The following USP48 variants were observed in gnomAD, a reference collection of about 807,000 sequenced individuals.
The protein encoded by USP48 is ubiquitin specific peptidase 48.
In USP48, 43 loss-of-function variants were observed where a neutral mutation model predicts 150.7. The ratio of observed to expected loss-of-function variants is 0.29; its 90% CI spans 0.22 to 0.37. The LOEUF is 0.37. Among genes scored for constraint, USP48 ranks in the 10% least tolerant of loss-of-function variants. The pLI is 1.00. For missense variants in USP48, 813 were observed against 1,249.6 expected (o/e 0.65, Z 5.27); for synonymous variants, 396 against 425.9 (o/e 0.93, Z 0.86).
chr1:21,756,845 C>T, intron 2 of USP48, 143 bp from the exon 3 acceptor site: 1 of 1,425,236 alleles, frequency 7.0e-7, no homozygotes, highest in Non-Finnish European at 9.1e-7. Flanking sequence ...TTTCTCTTGG[C>T]TGGAGGTGGG....
At chr1:21,767,545 G>C (rs1012520789) in intron 1 of USP48, among the ~76,000 whole-genome samples, 5 of 151,656 alleles carry the variant, frequency 3.3e-5, no homozygotes, top group African/African-American at 1.2e-4. Context: ...GGCTGGTCTC[G>C]ATCTCCTAAC....
intron 15 of USP48, among the ~76,000 whole-genome samples, chr1:21,714,428 C>A (rs554595682): frequency 2.6e-5 from 4 of 152,256 alleles, no homozygotes; most frequent in Non-Finnish European, 5.9e-5. Flanking sequence ...TACCACCAAA[C>A]CCACTTAATA....
chr1:21,744,179 C>T (rs1023213512), intron 8 of USP48, among the ~76,000 whole-genome samples: 5 of 151,964 alleles, frequency 3.3e-5, no homozygotes, highest in African/African-American at 9.7e-5. Context: ...CGTGGTGGCT[C>T]ACACCTGTAA....
At chr1:21,758,610 C>A (rs528953486) in intron 1 of USP48, among the ~76,000 whole-genome samples, 1 of 151,734 alleles carries the variant, frequency 6.6e-6, no homozygotes, top group East Asian at 1.9e-4. Context: ...ATTAGCCGGG[C>A]GTGGCGGTGC....
In USP48 at chr1:21,753,064, T is replaced by C. The variant is rs1298906039; in HGVS notation, c.468A>G (p.Gln156=). The change falls in exon 4 of 27, where the codon CAA becomes CAG. Residue 156 remains glutamine, a synonymous_variant. Coordinates refer to ENST00000308271, the MANE Select transcript of USP48 (RefSeq NM_032236.8). ...GATCAATGTATCGCCTATTACTGTTTTGCAACAAGGCAAACAAGTACTGGA... is the reference window on the plus strand; with the variant it reads ...GATCAATGTATCGCCTATTACTGTTCTGCAACAAGGCAAACAAGTACTGGA... The part of the protein sequence containing the change: ...EHLQYLFALL[Q]NSNRRYIDPS... The C allele has an allele frequency of 1.9e-6, 3 of 1,613,298 alleles. No individual in the cohort carries two copies. Among genetic ancestry groups the C allele is most frequent in the East Asian group, 4.5e-5 (2 of 44,828 alleles).
chr1:21,701,738 G>C (rs745436922), intron 21 of USP48, 136 bp from the exon 22 acceptor site: 3 of 634,672 alleles, frequency 4.7e-6, no homozygotes, highest in Non-Finnish European at 8.3e-6. Flanking sequence ...AGACTGGAGA[G>C]TGGATCAAGA....
At chr1:21,719,471 G>A (rs1019918475) in intron 14 of USP48, among the ~76,000 whole-genome samples, 5 of 151,674 alleles carry the variant, frequency 3.3e-5, no homozygotes, top group African/African-American at 1.2e-4. Flanking sequence ...AGAAATGGGC[G>A]AGGCTCAGTG....
intron 1 of USP48, among the ~76,000 whole-genome samples, chr1:21,781,094 C>G (rs980407939): frequency 1.3e-5 from 2 of 149,564 alleles, no homozygotes; most frequent in Non-Finnish European, 3.0e-5. Context: ...TTAAATTTAT[C>G]CAGCGTCTCA....
chr1:21,773,271 A>G (rs1045374523), intron 1 of USP48, among the ~76,000 whole-genome samples: 104 of 151,844 alleles, frequency 6.8e-4, no homozygotes, highest in African/African-American at 1.8e-3. Flanking sequence ...AAAAAAAAAA[A>G]AAAGAAAGAA....
intron 13 of USP48, 37 bp downstream of exon 13, chr1:21,721,613 T>C: frequency 1.5e-6 from 2 of 1,333,338 alleles, no homozygotes; most frequent in Non-Finnish European, 1.0e-6. Context: ...TGAAAACTTC[T>C]TAGTTTATCA....
intron 1 of USP48, among the ~76,000 whole-genome samples, chr1:21,763,682 G>C (rs2097855235): frequency 6.6e-6 from 1 of 152,182 alleles, no homozygotes; most frequent in Non-Finnish European, 1.5e-5. Context: ...AGGCGTGGTG[G>C]CACATGCCTG....
chr1:21,769,976 C>T (rs2097874341), intron 1 of USP48, among the ~76,000 whole-genome samples: 1 of 152,030 alleles, frequency 6.6e-6, no homozygotes, highest in Admixed American at 6.6e-5. Flanking sequence ...ATCAAAATGA[C>T]CATCACTAGT....
At chr1:21,682,140 T>C (rs924247020) in intron 25 of USP48, among the ~76,000 whole-genome samples, 3 of 152,198 alleles carry the variant, frequency 2.0e-5, no homozygotes, top group Non-Finnish European at 4.4e-5. Context: ...AGACGGTGCA[T>C]GACAGATCAA....
At chr1:21,688,187 T>C (rs751850577) in intron 24 of USP48, among the ~76,000 whole-genome samples, 11 of 152,050 alleles carry the variant, frequency 7.2e-5, no homozygotes, top group Non-Finnish European at 1.3e-4. Context: ...TTAGGGAGGG[T>C]AGAATTGGGC....
intron 22 of USP48, 46 bp from the exon 23 acceptor site, chr1:21,695,267 A>G (rs2097623845): frequency 6.5e-7 from 1 of 1,529,178 alleles, no homozygotes; most frequent in South Asian, 1.3e-5. Context: ...ATTAACCACA[A>G]TGTGACCCTT....
chr1:21,700,127 A>G (rs2097651092), intron 22 of USP48, among the ~76,000 whole-genome samples: 2 of 151,764 alleles, frequency 1.3e-5, no homozygotes, highest in Admixed American at 1.3e-4. Context: ...AGAGTTTAAT[A>G]AGGGCATCAC....
chr1:21,699,816 A>C (rs1042086504), intron 22 of USP48, among the ~76,000 whole-genome samples: 1 of 147,280 alleles, frequency 6.8e-6, no homozygotes, highest in Non-Finnish European at 1.5e-5. Context: ...GCGCCTGGCC[A>C]CACACACACA....
intron 22 of USP48, among the ~76,000 whole-genome samples, chr1:21,700,676 T>C (rs999062784): frequency 6.6e-6 from 1 of 152,114 alleles, no homozygotes; most frequent in Non-Finnish European, 1.5e-5. Context: ...AATCCATGAG[T>C]TTAAAGTACA....
intron 1 of USP48, among the ~76,000 whole-genome samples, chr1:21,762,406 A>G (rs1180797727): frequency 1.3e-5 from 2 of 152,244 alleles, no homozygotes; most frequent in African/African-American, 4.8e-5. Context: ...GGACTCTCCC[A>G]AAGGTCTTTG....
Sources: gnomAD v4.1 joint callset for allele counts (sites outside exome capture counted in the v4.1 genomes callset) on GRCh38, gnomAD v4.1.1 for gene constraint, MANE v1.5 for transcripts, NCBI Gene and HGNC (gene_info 2026-07-23, HGNC 2026-07-21) for gene names.